ANO3: variants seen among roughly 807,000 people sequenced by gnomAD.
ANO3 encodes the protein anoctamin 3.
Under a neutral mutation model 144.8 loss-of-function variants are expected in ANO3, and 99 were observed. The ratio of observed to expected loss-of-function variants is 0.68; its 90% CI spans 0.58 to 0.81. The LOEUF is 0.81. Among genes scored for constraint, ANO3 ranks in the 30% least tolerant of loss-of-function variants. The pLI, the probability that ANO3 is intolerant of heterozygous loss-of-function variation, is 0.00. For synonymous variants in ANO3, 414 were observed against 392.6 expected (o/e 1.05, Z -0.64); for missense variants, 905 against 1,202.2 (o/e 0.75, Z 3.66).
intron 9 of ANO3, among the ~76,000 whole-genome samples, chr11:26,535,533 G>A (rs1232773159): frequency 2.8e-5 from 4 of 143,124 alleles, no homozygotes; most frequent in Non-Finnish European, 6.0e-5. Flanking sequence ...AAAATTGAGT[G>A]CTATATAGGT....
intron 14 of ANO3, chr11:26,565,576 G>A (rs139040141): frequency 1.9e-6 from 3 of 1,613,344 alleles, no homozygotes; most frequent in Non-Finnish European, 2.5e-6. Flanking sequence ...CCCAAAGAAT[G>A]CTCTGCTGAT....
rs908094798 is a variant in ANO3 at position 26,663,170 on chromosome 11, A to C, written c.*2726A>C. 1.3e-5 allele frequency: 2 copies of C among 152,098 alleles called. No individual in the cohort carries two copies. The highest frequency in any genetic ancestry group is 2.9e-5 in the Non-Finnish European group (2 of 67,990). The allele number at this position is 152,098 out of a possible 1,614,324, so 9.4% of individuals were successfully genotyped here. ...AGATAAAATGCTGCTGAGTGACTGC[A>C]TGATGAGATACAACTTCTGAATGCT... On this transcript the variant is annotated 3_prime_UTR_variant, in exon 27 of 27. Transcript: ENST00000256737.
rs796821880 is a variant in ANO3 at position 26,508,371 on chromosome 11, GT to G, written c.591+116del. The G allele has an allele frequency of 6.5e-5, 64 of 980,972 alleles. No homozygotes were observed. In the African/African-American group the frequency reaches 7.8e-4, roughly 12 times the overall value. 60.8% of individuals were successfully genotyped at this position (980,972 alleles called of 1,614,324 possible). A position where few individuals can be genotyped will look rare whatever the true frequency, so the allele number is the denominator to read the frequency against. On this transcript the variant is annotated intron_variant, in intron 5 of 26. Transcript: ENST00000256737. Reference sequence around the variant, plus strand: ...ATCACATGACTTTATAAAATACATAGTTTTTTTCTAACAAATGTTAAATAAA... The same window carrying G: ...ATCACATGACTTTATAAAATACATAGTTTTTTCTAACAAATGTTAAATAAA...
chr11:26,344,527 G>A (rs992815584), intron 1 of ANO3, among the ~76,000 whole-genome samples: 1 of 151,902 alleles, frequency 6.6e-6, no homozygotes, highest in Non-Finnish European at 1.5e-5. Context: ...CACCATGCCG[G>A]CTGATTTTTT....
intron 1 of ANO3, among the ~76,000 whole-genome samples, chr11:26,356,548 ACATTT>A (rs1423003587): frequency 2.0e-5 from 3 of 152,164 alleles, no homozygotes; most frequent in African/African-American, 7.2e-5. Flanking sequence ...AATGCTTTTT[ACATTT>A]ATGTTGTATA....
At chr11:26,474,300 G>A (rs796863987) in intron 4 of ANO3, among the ~76,000 whole-genome samples, 31 of 151,768 alleles carry the variant, frequency 2.0e-4, no homozygotes, top group African/African-American at 7.2e-4. Context: ...TGATCTAAAT[G>A]TGTTATTTTT....
At chr11:26,518,611 T>C (rs1819725404) in intron 6 of ANO3, among the ~76,000 whole-genome samples, 1 of 152,062 alleles carries the variant, frequency 6.6e-6, no homozygotes, top group African/African-American at 2.4e-5. Context: ...AAATATTCAC[T>C]GAAGTATAAT....
chr11:26,439,346 C>T (rs924197487), intron 1 of ANO3, among the ~76,000 whole-genome samples: 2 of 152,100 alleles, frequency 1.3e-5, no homozygotes, highest in African/African-American at 4.8e-5. Context: ...AAATTAAAAG[C>T]ATTGTGTTTC....
chr11:26,460,257 GA>G, intron 3 of ANO3: 1 of 295,100 alleles, frequency 3.4e-6, no homozygotes, highest in Middle Eastern at 1.3e-3. Context: ...AGCATTTATT[GA>G]AAAATTTTCT....
At chr11:26,610,586 A>T (rs1291973640) in intron 17 of ANO3, among the ~76,000 whole-genome samples, 3 of 152,046 alleles carry the variant, frequency 2.0e-5, no homozygotes, top group African/African-American at 2.4e-5. Flanking sequence ...CCTTTTTAAA[A>T]AACATCCTTG....
intron 14 of ANO3, chr11:26,572,068 A>G: frequency 1.0e-6 from 1 of 985,308 alleles, no homozygotes. Context: ...ATTTACAATC[A>G]GGAACTGAAA....
chr11:26,633,410 A>G (rs1400945942), intron 18 of ANO3, among the ~76,000 whole-genome samples: 4 of 152,212 alleles, frequency 2.6e-5, no homozygotes, highest in African/African-American at 9.6e-5. Context: ...CAAGGCTGAG[A>G]TAAGAGCTCA....
At chr11:26,617,688 C>CAACT (rs1274269647) in intron 17 of ANO3, among the ~76,000 whole-genome samples, 2 of 152,128 alleles carry the variant, frequency 1.3e-5, no homozygotes, top group African/African-American at 2.4e-5. Context: ...TTTGCTTTTG[C>CAACT]AACTAACTCA....
chr11:26,313,648 T>C (rs1235298884), intron 1 of ANO3, among the ~76,000 whole-genome samples: 7 of 151,598 alleles, frequency 4.6e-5, no homozygotes, highest in Non-Finnish European at 7.4e-5. Flanking sequence ...GATCATGCCA[T>C]TGCACTCCAG....
chr11:26,253,498 A>C (rs1590217595), intron 1 of ANO3, among the ~76,000 whole-genome samples: 2 of 151,918 alleles, frequency 1.3e-5, no homozygotes, highest in South Asian at 2.1e-4. Context: ...ACAACAAACC[A>C]CCATGACACA....
At chr11:26,517,138 G>T (rs1861894168) in intron 6 of ANO3, among the ~76,000 whole-genome samples, 1 of 151,780 alleles carries the variant, frequency 6.6e-6, no homozygotes. Flanking sequence ...TCATTTCAAG[G>T]TGGACCTGCC....
Position 26,516,922 on chromosome 11 carries a change from C to T in ANO3, c.687C>T (p.Pro229=). ...CAGAGAGGCTGAATATCAGGATGCC[C>T]TTCAGGTACTTTCAAATTTTACTTT... ...KYAERLNIRM[P]FRKKCYYTDG... Residue 229 remains proline (P), a synonymous_variant, in exon 6 of 27, where the codon CCC becomes CCT. Coordinates refer to ENST00000256737, the MANE Select transcript of ANO3 (RefSeq NM_031418.4). The T allele has an allele frequency of 1.3e-6, 2 of 1,591,692 alleles. No individual in the cohort carries two copies. Among genetic ancestry groups the T allele is most frequent in the Non-Finnish European group, 8.6e-7 (1 of 1,163,480 alleles).
intron 14 of ANO3, among the ~76,000 whole-genome samples, chr11:26,596,606 C>A (rs1191570471): frequency 6.6e-6 from 1 of 152,118 alleles, no homozygotes; most frequent in East Asian, 1.9e-4. Context: ...CCTTAGATCC[C>A]TTTGGAGATA....
At position 26,534,624 on chromosome 11, in the gene ANO3, G is replaced by A. The variant is rs890513293; in HGVS notation, c.976+62G>A. 3 of 1,183,778 alleles carry A rather than the reference G, an allele frequency of 2.5e-6. No individual in the cohort carries two copies. The East Asian group carries it at 7.1e-5, about 28-fold the overall frequency. The allele number at this position is 1,183,778 out of a possible 1,614,324, so 73.3% of individuals were successfully genotyped here. On this transcript the variant is annotated intron_variant, in intron 9 of 26. Coordinates refer to ENST00000256737, the MANE Select transcript of ANO3 (RefSeq NM_031418.4). Reference sequence around the variant, plus strand: ...GTTACTATTTATACCCAGAATTATTGTTTTTTTTAACAGCTGTAGCTTTGC... The same window carrying A: ...GTTACTATTTATACCCAGAATTATTATTTTTTTTAACAGCTGTAGCTTTGC...
Sources: gnomAD v4.1 joint callset for allele counts (sites outside exome capture counted in the v4.1 genomes callset) on GRCh38, gnomAD v4.1.1 for gene constraint, MANE v1.5 for transcripts, NCBI Gene and HGNC (gene_info 2026-07-23, HGNC 2026-07-21) for gene names.